MBTPS1: variants seen among roughly 807,000 people sequenced by gnomAD.
MBTPS1 encodes the protein membrane bound transcription factor peptidase, site 1, also known as membrane-bound transcription factor site-1 protease.
In MBTPS1, 94 loss-of-function variants were observed where a neutral mutation model predicts 127.8. The observed-to-expected ratio is 0.74, with a 90% CI of 0.62 to 0.87. MBTPS1 has a LOEUF of 0.87. Ranked by LOEUF, MBTPS1 falls within the 40% of genes least tolerant of loss-of-function variation. The pLI, the probability that MBTPS1 is intolerant of heterozygous loss-of-function variation, is 0.00. For synonymous variants in MBTPS1, 632 were observed against 509.4 expected, an observed-to-expected ratio of 1.24 and a Z score of -3.24; for missense variants, 1,636 against 1,353.2, an observed-to-expected ratio of 1.21 and a Z score of -3.28.
Position 84,056,071 on chromosome 16 carries a change from G to C in MBTPS1, c.2896C>G (p.Arg966Gly). 5.6e-6 allele frequency: 9 copies of C among 1,614,114 alleles called. No individual in the cohort carries two copies. Among genetic ancestry groups the C allele is most frequent in the Non-Finnish European group, 7.6e-6 (9 of 1,179,966 alleles). Residue 966 changes from arginine to glycine, a missense_variant, in exon 22 of 23, where the codon CGA becomes GGA. By Grantham distance (125) the Arg-to-Gly change is moderately radical. Coordinates refer to ENST00000343411, the MANE Select transcript of MBTPS1 (RefSeq NM_003791.4). ...GGCCTCACTTGAGGGCGATTCGATC[G>C]AAAGTTGGGTAACACCACCTTGTCC... The part of the protein sequence containing the change: ...DLDKVVLPNF[R>G]SNRPQVRPLS...
intron 1 of MBTPS1, among the ~76,000 whole-genome samples, chr16:84,108,621 G>T (rs1489562225): frequency 6.6e-6 from 1 of 152,156 alleles, no homozygotes; most frequent in Non-Finnish European, 1.5e-5. Context: ...TTCCCTTCCT[G>T]AAGAATTCTG....
At chr16:84,084,621 A>ATATCTTAC (rs1349076369) in intron 10 of MBTPS1, among the ~76,000 whole-genome samples, 1 of 152,088 alleles carries the variant, frequency 6.6e-6, no homozygotes, top group Non-Finnish European at 1.5e-5. Flanking sequence ...TGGCAGGGAA[A>ATATCTTAC]TATCTTACTA....
intron 16 of MBTPS1, 152 bp from the exon 17 acceptor site, chr16:84,066,765 T>C (rs1238670538): frequency 2.8e-6 from 2 of 723,020 alleles, no homozygotes; most frequent in African/African-American, 3.6e-5. Flanking sequence ...TGGGTTTGGG[T>C]AAAACTGCAA....
rs367970088 is a variant in MBTPS1, at chr16:84,084,972, G to A, written c.1286+11C>T. ...CGTGGGAGCTACTGGTCTCTAGGGGGCAGCACTCACCTCACTAACAAGGTG... is the reference window on the plus strand; with the variant it reads ...CGTGGGAGCTACTGGTCTCTAGGGGACAGCACTCACCTCACTAACAAGGTG... On this transcript the variant is annotated intron_variant, in intron 10 of 22. Transcript: ENST00000343411. The A allele has an allele frequency of 2.7e-5, 44 of 1,613,196 alleles. No homozygotes were observed. Among genetic ancestry groups the A allele is most frequent in the Non-Finnish European group, 3.4e-5 (40 of 1,179,718 alleles).
Position 84,090,762 on chromosome 16 carries a change from G to C in MBTPS1, c.1031+113C>G, listed in dbSNP as rs17849051. On this transcript the variant is annotated intron_variant, in intron 8 of 22. Coordinates refer to ENST00000343411, the MANE Select transcript of MBTPS1 (RefSeq NM_003791.4). Reference sequence around the variant, plus strand: ...CATGAGGAAAACATCCTTAAGACAAGTTTTAGACAGACATAAACAAGTAAC... The same window carrying C: ...CATGAGGAAAACATCCTTAAGACAACTTTTAGACAGACATAAACAAGTAAC... 328 of 798,142 alleles carry C rather than the reference G, an allele frequency of 4.1e-4. 3 individuals are homozygous for C. The East Asian group carries it at 7.0e-3, about 17-fold the overall frequency. The allele number at this position is 798,142 out of a possible 1,614,324, so 49.4% of individuals were successfully genotyped here.
intron 1 of MBTPS1, among the ~76,000 whole-genome samples, chr16:84,112,326 C>A (rs533141919): frequency 6.6e-6 from 1 of 152,296 alleles, no homozygotes; most frequent in South Asian, 2.1e-4. Flanking sequence ...TTATAGGGAG[C>A]ATATGTTACT....
chr16:84,099,222 A>G lies in MBTPS1; in HGVS notation c.252T>C (p.Asn84=), dbSNP rs776441440. 10 of 1,614,150 alleles carry G rather than the reference A, an allele frequency of 6.2e-6. No individual in the cohort carries two copies. In the African/African-American group the frequency reaches 8.0e-5, roughly 13 times the overall value. Residue 84 remains asparagine (N), a synonymous_variant, in exon 3 of 23, where the codon AAT becomes AAC. Transcript: ENST00000343411. ...GATTGTTTCGAGGTATAATTCTCCAATTGTCTACTTCACTGCTCTTCAGGG... is the reference window on the plus strand; with the variant it reads ...GATTGTTTCGAGGTATAATTCTCCAGTTGTCTACTTCACTGCTCTTCAGGG... ...SSALKSSEVD[N]WRIIPRNNPS...
intron 1 of MBTPS1, among the ~76,000 whole-genome samples, chr16:84,104,063 C>A (rs1276028899): frequency 6.6e-6 from 1 of 152,116 alleles, no homozygotes; most frequent in Admixed American, 6.5e-5. Context: ...ATACATCCAG[C>A]AATGGAGTAC....
chr16:84,063,516 C>T, intron 18 of MBTPS1, 71 bp from the exon 19 acceptor site: 1 of 1,410,792 alleles, frequency 7.1e-7, no homozygotes, highest in Non-Finnish European at 9.8e-7. Flanking sequence ...CCTGATATTT[C>T]ATCCACGTGA....
At chr16:84,103,412 C>G (rs899943365) in intron 1 of MBTPS1, among the ~76,000 whole-genome samples, 2 of 152,058 alleles carry the variant, frequency 1.3e-5, no homozygotes, top group African/African-American at 4.8e-5. Context: ...GCATGCATCA[C>G]CACACCCAGC....
chr16:84,076,849 G>A (rs551691609), intron 11 of MBTPS1, among the ~76,000 whole-genome samples: 6 of 152,244 alleles, frequency 3.9e-5, no homozygotes, highest in African/African-American at 1.4e-4. Flanking sequence ...TGATGCAATT[G>A]CAACAAAAAT....
Position 84,070,524 on chromosome 16 carries a change from G to A in MBTPS1, c.1782+64C>T. 5.2e-6 allele frequency: 8 copies of A among 1,545,090 alleles called. No individual in the cohort carries two copies. The South Asian group carries it at 7.9e-5, about 15-fold the overall frequency. ...AATGGAGACCCCAGGCATTTGGCCT[G>A]TCCCTCCCTGAAAGGTGATGTCAAA... On this transcript the variant is annotated intron_variant, in intron 13 of 22. Coordinates refer to ENST00000343411, the MANE Select transcript of MBTPS1 (RefSeq NM_003791.4).
intron 9 of MBTPS1, among the ~76,000 whole-genome samples, chr16:84,085,534 A>T (rs2086007784): frequency 6.6e-6 from 1 of 151,518 alleles, no homozygotes; most frequent in African/African-American, 2.4e-5. Flanking sequence ...CAGCCTGGGC[A>T]ACACAGTGAG....
chr16:84,054,635 A>G lies in MBTPS1; in HGVS notation c.2973T>C (p.Pro991=). ...GGCCCACCTCCTGGTTGTAGCGGCCAGGCATGATCCCTGTAAGAGGACAGC... is the reference window on the plus strand; with the variant it reads ...GGCCCACCTCCTGGTTGTAGCGGCCGGGCATGATCCCTGTAAGAGGACAGC... ...GAWDIPGGIM[P]GRYNQEVGQT... Residue 991 remains proline, a synonymous_variant, in exon 23 of 23, where the codon CCT becomes CCC. Transcript: ENST00000343411. 6.2e-7 allele frequency: 1 copy of G among 1,601,902 alleles called. No homozygotes were observed. The highest frequency in any genetic ancestry group is 1.7e-5 in the Admixed American group (1 of 58,692).
chr16:84,060,609 G>T, intron 20 of MBTPS1, 73 bp downstream of exon 20: 1 of 1,545,946 alleles, frequency 6.5e-7, no homozygotes, highest in Non-Finnish European at 8.8e-7. Flanking sequence ...GGCAGGCACA[G>T]CCACTGGCTG....
intron 6 of MBTPS1, 106 bp downstream of exon 6, chr16:84,093,082 G>A (rs1200295445): frequency 1.5e-5 from 12 of 788,202 alleles, no homozygotes; most frequent in East Asian, 2.5e-5. Flanking sequence ...ATGGCTCAGC[G>A]TCACTGACGT....
intron 17 of MBTPS1, 97 bp from the exon 18 acceptor site, chr16:84,065,864 T>C (rs1391289285): frequency 3.0e-6 from 2 of 657,940 alleles, no homozygotes; most frequent in African/African-American, 1.9e-5. Context: ...CTTCAGATGC[T>C]ATGTATTTTT....
intron 14 of MBTPS1, among the ~76,000 whole-genome samples, chr16:84,069,200 G>A (rs17725839): frequency 3.3e-5 from 5 of 152,058 alleles, no homozygotes; most frequent in African/African-American, 1.2e-4. Context: ...GAGTTCAAAC[G>A]TAGTCCAAAC....
In MBTPS1 at chr16:84,059,428, C is replaced by T; in HGVS notation, c.2705G>A (p.Gly902Glu). Reference protein sequence around the residue: ...AGSVTPERMEGNHLHRYSKVL... With the variant: ...AGSVTPERMEENHLHRYSKVL... ...CTTGGAGTACCGATGAAGATGGTTT[C>T]CTGTGGTTAGCAGCAACATCAACAA... The change falls in exon 21 of 23, where the codon GGA becomes GAA. Residue 902 changes from glycine (G) to glutamate (E), a missense_variant and splice_region_variant. Coordinates refer to ENST00000343411, the MANE Select transcript of MBTPS1 (RefSeq NM_003791.4). The T allele has an allele frequency of 6.2e-7, 1 of 1,608,404 alleles. No individual in the cohort carries two copies. The highest frequency in any genetic ancestry group is 1.1e-5 in the South Asian group (1 of 90,124).
Sources: gnomAD v4.1 joint callset for allele counts (sites outside exome capture counted in the v4.1 genomes callset) on GRCh38, gnomAD v4.1.1 for gene constraint, MANE v1.5 for transcripts, NCBI Gene and HGNC (gene_info 2026-07-23, HGNC 2026-07-21) for gene names.